Variants in DCT observed in about 807,000 individuals in gnomAD.
DCT encodes the protein dopachrome tautomerase.
A neutral mutation model predicts 53.0 loss-of-function variants in DCT; 47 were observed. The observed-to-expected ratio is 0.89, with a 90% CI of 0.70 to 1.13. The LOEUF is 1.13. Among genes scored for constraint, DCT ranks in the 50% most tolerant of loss-of-function variants. DCT has a pLI of 0.00. For missense variants in DCT, 669 were observed against 637.4 expected (o/e 1.05, Z -0.53); for synonymous variants, 244 against 237.0 (o/e 1.03, Z -0.27).
At chr13:94,454,289 T>G (rs1566818165) in intron 6 of DCT, among the ~76,000 whole-genome samples, 1 of 152,186 alleles carries the variant, frequency 6.6e-6, no homozygotes. Flanking sequence ...AACGTAGAAC[T>G]CACCAAATGT....
chr13:94,524,072 G>T, the DCT span, among the ~76,000 whole-genome samples: 1 of 152,194 alleles, frequency 6.6e-6, no homozygotes, highest in African/African-American at 2.4e-5. Context: ...CCCCTTTATA[G>T]CAGGAGGAGA....
chr13:94,536,202 G>T, the DCT span, among the ~76,000 whole-genome samples: 2 of 152,186 alleles, frequency 1.3e-5, no homozygotes, highest in East Asian at 3.9e-4. Flanking sequence ...TAGGACCAGG[G>T]TTGATAGATC....
chr13:94,504,856 T>G, the DCT span, among the ~76,000 whole-genome samples: 1 of 152,138 alleles, frequency 6.6e-6, no homozygotes, highest in African/African-American at 2.4e-5. Flanking sequence ...AGAAATGACT[T>G]GTATTGGCTT....
At chr13:94,453,112 G>A (rs1883202370) in intron 6 of DCT, among the ~76,000 whole-genome samples, 2 of 152,092 alleles carry the variant, frequency 1.3e-5, no homozygotes, top group Admixed American at 1.3e-4. Flanking sequence ...GTGCCTTATA[G>A]AGATGGTCCT....
At chr13:94,538,557 G>A in the DCT span, among the ~76,000 whole-genome samples, 1 of 152,156 alleles carries the variant, frequency 6.6e-6, no homozygotes, top group Non-Finnish European at 1.5e-5. Flanking sequence ...GAGAAAAGCA[G>A]ATGGACTTGG....
the DCT span, among the ~76,000 whole-genome samples, chr13:94,494,396 A>G: frequency 6.6e-6 from 1 of 152,160 alleles, no homozygotes; most frequent in Non-Finnish European, 1.5e-5. Context: ...TGATTTCACT[A>G]GGGGTTCTCT....
chr13:94,532,213 T>G, the DCT span, among the ~76,000 whole-genome samples: 2 of 152,004 alleles, frequency 1.3e-5, no homozygotes, highest in African/African-American at 4.8e-5. Flanking sequence ...TCAACCATTG[T>G]GGAAGACAGT....
At chr13:94,506,853 A>G in the DCT span, among the ~76,000 whole-genome samples, 1 of 152,242 alleles carries the variant, frequency 6.6e-6, no homozygotes, top group African/African-American at 2.4e-5. Flanking sequence ...TTCACTAAAA[A>G]GGGCACAGCA....
At chr13:94,482,417 C>T (rs1885481141), upstream of DCT, among the ~76,000 whole-genome samples, 2 of 152,168 alleles carry the variant, frequency 1.3e-5, no homozygotes, top group African/African-American at 2.4e-5. Context: ...AATAATCTTG[C>T]TCAGAGCCCT....
the DCT span, among the ~76,000 whole-genome samples, chr13:94,488,024 C>T: frequency 6.6e-6 from 1 of 151,150 alleles, no homozygotes; most frequent in Non-Finnish European, 1.5e-5. Context: ...ATACACCAAA[C>T]ACTTTTTAAT....
chr13:94,481,641 G>T (rs1159304661), upstream of DCT, among the ~76,000 whole-genome samples: 1 of 152,166 alleles, frequency 6.6e-6, no homozygotes, highest in African/African-American at 2.4e-5. Context: ...CAGCTAGTCT[G>T]AGGCCTTAAA....
chr13:94,485,467 T>C, the DCT span, among the ~76,000 whole-genome samples: 1 of 152,168 alleles, frequency 6.6e-6, no homozygotes, highest in Non-Finnish European at 1.5e-5. Flanking sequence ...ACTCACCTGG[T>C]CTTAAAAGAA....
chr13:94,543,310 C>T, the DCT span, among the ~76,000 whole-genome samples: 5 of 152,186 alleles, frequency 3.3e-5, no homozygotes, highest in Non-Finnish European at 7.3e-5. Flanking sequence ...CAATCCACAC[C>T]ATTCCTTCCT....
the DCT span, among the ~76,000 whole-genome samples, chr13:94,497,890 G>C: frequency 1.3e-5 from 2 of 152,110 alleles, no homozygotes; most frequent in Non-Finnish European, 2.9e-5. Context: ...GTGTGTGTGT[G>C]TGTACACACA....
chr13:94,499,859 C>T, the DCT span, among the ~76,000 whole-genome samples: 1 of 152,098 alleles, frequency 6.6e-6, no homozygotes, highest in African/African-American at 2.4e-5. Context: ...GCTGGCCTTC[C>T]CTCTTCTCCT....
chr13:94,487,279 T>C, the DCT span, among the ~76,000 whole-genome samples: 2 of 152,166 alleles, frequency 1.3e-5, no homozygotes, highest in African/African-American at 2.4e-5. Flanking sequence ...AGTCTGAGAG[T>C]AGAAAAGTGC....
chr13:94,499,992 T>C, the DCT span, among the ~76,000 whole-genome samples: 3 of 152,240 alleles, frequency 2.0e-5, no homozygotes, highest in Non-Finnish European at 4.4e-5. Context: ...ATCCATAACA[T>C]ATAGTTACCT....
the DCT span, among the ~76,000 whole-genome samples, chr13:94,502,339 GT>G: frequency 6.6e-6 from 1 of 152,086 alleles, no homozygotes; most frequent in African/African-American, 2.4e-5. Context: ...TCACCATCAT[GT>G]TCTTCTGTTG....
chr13:94,482,419 C>T (rs538633224), upstream of DCT, among the ~76,000 whole-genome samples: 20 of 152,320 alleles, frequency 1.3e-4, no homozygotes, highest in East Asian at 1.7e-3. Flanking sequence ...TAATCTTGCT[C>T]AGAGCCCTCA....
Sources: allele counts gnomAD v4.1 joint callset (sites outside exome capture counted in the v4.1 genomes callset), GRCh38; gene constraint gnomAD v4.1.1; transcripts MANE v1.5; gene names NCBI Gene and HGNC (gene_info 2026-07-23, HGNC 2026-07-21).